MGAT5: variants seen among roughly 807,000 people sequenced by gnomAD.
The protein encoded by MGAT5 is alpha-1,6-mannosylglycoprotein 6-beta-N-acetylglucosaminyltransferase A.
MGAT5 carries 30 observed loss-of-function variants against 94.3 expected under a neutral mutation model. The ratio of observed to expected loss-of-function variants is 0.32; its 90% CI spans 0.24 to 0.43. MGAT5 has a LOEUF of 0.43. MGAT5 is among the 20% of genes least tolerant of loss of function. MGAT5 has a pLI of 1.00. For missense variants in MGAT5, 691 were observed against 905.5 expected, an observed-to-expected ratio of 0.76 and a Z score of 3.04; for synonymous variants, 310 against 322.9, an observed-to-expected ratio of 0.96 and a Z score of 0.43.
chr2:134,302,878 T>C (rs1686111110), intron 2 of MGAT5, among the ~76,000 whole-genome samples: 1 of 152,084 alleles, frequency 6.6e-6, no homozygotes, highest in Admixed American at 6.6e-5. Context: ...ATTTTCTCTT[T>C]CTCATTTGCT....
chr2:134,224,909 T>G (rs1186981441), intron 1 of MGAT5, among the ~76,000 whole-genome samples: 1 of 151,734 alleles, frequency 6.6e-6, no homozygotes, highest in African/African-American at 2.4e-5. Flanking sequence ...GGAAACCCCA[T>G]CTCTACAAAA....
rs1553458949 is a variant in MGAT5, at chr2:134,387,301, G to GATATATATATAT, written c.1381-15666_1381-15655dup. On this transcript the variant is annotated intron_variant, in intron 10 of 15. Transcript: ENST00000281923. ...AAATAAAAAATAAAAAGTTATGTAT[G>GATATATATATAT]ATATATATATATATATATATATATA... 5.4e-3 allele frequency among the ~76,000 whole-genome samples: 228 copies of GATATATATATAT among 42,538 alleles called. 6 individuals are homozygous for GATATATATATAT. Among genetic ancestry groups the GATATATATATAT allele is most frequent in the Admixed American group, 7.6e-3 (19 of 2,512 alleles). The allele number at this position is 42,538 out of a possible 152,430, so 27.9% of individuals were successfully genotyped here.
intron 4 of MGAT5, among the ~76,000 whole-genome samples, chr2:134,334,103 C>G (rs1265034075): frequency 6.6e-6 from 1 of 152,074 alleles, no homozygotes. Context: ...TGGATTGACT[C>G]TATATTTTAT....
At chr2:134,298,560 C>A (rs1021483163) in intron 2 of MGAT5, among the ~76,000 whole-genome samples, 8 of 152,120 alleles carry the variant, frequency 5.3e-5, no homozygotes, top group Non-Finnish European at 1.0e-4. Context: ...AGACACCATG[C>A]GGATCATATT....
chr2:134,233,129 T>C (rs1681456329), intron 1 of MGAT5, among the ~76,000 whole-genome samples: 1 of 152,214 alleles, frequency 6.6e-6, no homozygotes, highest in African/African-American at 2.4e-5. Flanking sequence ...TCTGACTTTG[T>C]TTTTTGTAGA....
chr2:134,315,803 A>T (rs1437623417), intron 2 of MGAT5, among the ~76,000 whole-genome samples: 1 of 152,160 alleles, frequency 6.6e-6, no homozygotes, highest in African/African-American at 2.4e-5. Context: ...CTAGTAAGAG[A>T]CCCATGAGAA....
chr2:134,279,530 G>A (rs1451554155), intron 2 of MGAT5, among the ~76,000 whole-genome samples: 3 of 152,094 alleles, frequency 2.0e-5, no homozygotes, highest in Non-Finnish European at 4.4e-5. Context: ...GGAATACATG[G>A]CTTGTTTCAT....
At chr2:134,304,491 A>G (rs2321733) in intron 2 of MGAT5, among the ~76,000 whole-genome samples, 89,766 of 151,972 alleles carry the variant, frequency 0.59, 28,910 homozygotes, top group Non-Finnish European at 0.71. Context: ...GCAGTTGAAA[A>G]CCTTTGTGTT....
At chr2:134,148,268 G>A (rs1687016345) in intron 1 of MGAT5, among the ~76,000 whole-genome samples, 4 of 152,206 alleles carry the variant, frequency 2.6e-5, no homozygotes, top group African/African-American at 9.7e-5. Context: ...GACTGATAAT[G>A]CAGTGGTCCT....
At chr2:134,381,461 G>A (rs973539867) in intron 10 of MGAT5, among the ~76,000 whole-genome samples, 3 of 150,444 alleles carry the variant, frequency 2.0e-5, no homozygotes, top group African/African-American at 7.4e-5. Flanking sequence ...GACCTGTCTG[G>A]TAGGTAGGTA....
intron 1 of MGAT5, among the ~76,000 whole-genome samples, chr2:134,129,867 G>A (rs1686041932): frequency 6.6e-6 from 1 of 152,106 alleles, no homozygotes; most frequent in South Asian, 2.1e-4. Flanking sequence ...TCAGCCCGCC[G>A]CTGCACTGTG....
At chr2:134,195,753 G>A (rs935705957) in intron 1 of MGAT5, among the ~76,000 whole-genome samples, 2 of 152,160 alleles carry the variant, frequency 1.3e-5, no homozygotes, top group African/African-American at 4.8e-5. Flanking sequence ...GTGAGCCTGT[G>A]TTTTAGGAAG....
At chr2:134,358,935 G>A (rs893782745) in intron 9 of MGAT5, among the ~76,000 whole-genome samples, 1 of 152,182 alleles carries the variant, frequency 6.6e-6, no homozygotes, top group Non-Finnish European at 1.5e-5. Flanking sequence ...TAAGCTAATA[G>A]TATTTCTTAG....
chr2:134,339,843 A>G (rs1332175073), intron 6 of MGAT5, among the ~76,000 whole-genome samples: 1 of 152,234 alleles, frequency 6.6e-6, no homozygotes, highest in Non-Finnish European at 1.5e-5. Context: ...TAGTGACTTC[A>G]GAACACAGTA....
intron 1 of MGAT5, among the ~76,000 whole-genome samples, chr2:134,261,579 TC>T (rs1160086434): frequency 1.3e-5 from 2 of 152,174 alleles, no homozygotes; most frequent in Non-Finnish European, 2.9e-5. Flanking sequence ...CCATTCTGTT[TC>T]AGAGAAGTTA....
chr2:134,394,414 C>T (rs1479575878), intron 10 of MGAT5, among the ~76,000 whole-genome samples: 2 of 152,094 alleles, frequency 1.3e-5, no homozygotes, highest in Admixed American at 1.3e-4. Flanking sequence ...CTAATACTGT[C>T]CTTTAACATG....
At chr2:134,361,344 A>G (rs1478547586) in intron 9 of MGAT5, among the ~76,000 whole-genome samples, 5 of 152,240 alleles carry the variant, frequency 3.3e-5, no homozygotes, top group African/African-American at 9.6e-5. Context: ...TTCATTTAAT[A>G]TCAGCCACAC....
At chr2:134,147,871 G>A (rs1686996431) in intron 1 of MGAT5, among the ~76,000 whole-genome samples, 1 of 152,184 alleles carries the variant, frequency 6.6e-6, no homozygotes, top group Non-Finnish European at 1.5e-5. Context: ...CTTCCATTGT[G>A]AATATAGGGA....
At chr2:134,226,132 T>A (rs978748321) in intron 1 of MGAT5, among the ~76,000 whole-genome samples, 1 of 152,202 alleles carries the variant, frequency 6.6e-6, no homozygotes, top group South Asian at 2.1e-4. Context: ...ATGACTACCC[T>A]CTCTTTTTGT....
Sources: gnomAD v4.1 joint callset for allele counts (sites outside exome capture counted in the v4.1 genomes callset) on GRCh38, gnomAD v4.1.1 for gene constraint, MANE v1.5 for transcripts, NCBI Gene and HGNC (gene_info 2026-07-23, HGNC 2026-07-21) for gene names.